Variants in RBM25 observed in about 807,000 individuals in gnomAD.
The protein encoded by RBM25 is RNA binding motif protein 25.
In RBM25, 19 loss-of-function variants were observed where a neutral mutation model predicts 120.7. The ratio of observed to expected loss-of-function variants is 0.16; its 90% CI spans 0.11 to 0.23. The LOEUF (loss-of-function observed/expected upper bound fraction) is 0.23, where lower values mean the gene tolerates loss of function less well. RBM25 is among the 10% of genes least tolerant of loss of function. The probability of loss-of-function intolerance (pLI) is 1.00; values close to 1 mark genes in which losing one functional copy is unlikely to be tolerated. For synonymous variants in RBM25, 390 were observed against 326.7 expected, an observed-to-expected ratio of 1.19 and a Z score of -2.09; for missense variants, 605 against 1,041.5, an observed-to-expected ratio of 0.58 and a Z score of 5.77.
intron 18 of RBM25, among the ~76,000 whole-genome samples, chr14:73,116,147 G>C (rs932177758): frequency 6.6e-6 from 1 of 152,124 alleles, no homozygotes; most frequent in Non-Finnish European, 1.5e-5. Flanking sequence ...TTGAGAGTGA[G>C]AGACTGCCTG....
intron 13 of RBM25, 132 bp downstream of exon 13, chr14:73,108,031 A>G (rs555255376): frequency 4.4e-6 from 3 of 677,072 alleles, no homozygotes; most frequent in East Asian, 2.7e-5. Flanking sequence ...GTAATTATTA[A>G]TTCTATAGCT....
rs1896016115 is a variant in RBM25 at position 73,099,386 on chromosome 14, C to T, written c.736C>T (p.Arg246Cys). ...TTGGTGGATTTTTTCACAGATTTTC[C>T]GCAGATTTCCAGTGGCCCCACTGAT... ...KKKEKKEDIF[R>C]RFPVAPLIPY... The change falls in exon 8 of 19, where the codon CGC becomes TGC. Residue 246 changes from arginine to cysteine, a missense_variant. This residue lies in a region of RBM25 where 465 missense variants were observed against 741.6 expected (regional missense o/e 0.63). Transcript: ENST00000261973. The T allele has an allele frequency of 6.3e-7, 1 of 1,596,788 alleles. No individual in the cohort carries two copies. The highest frequency in any genetic ancestry group is 8.5e-7 in the Non-Finnish European group (1 of 1,176,288).
intron 6 of RBM25, among the ~76,000 whole-genome samples, chr14:73,092,946 T>G (rs1447931488): frequency 1.3e-5 from 2 of 152,202 alleles, no homozygotes; most frequent in African/African-American, 4.8e-5. Context: ...TTAATTTAGA[T>G]TTTGCAGAAT....
chr14:73,109,184 C>A, intron 13 of RBM25, 158 bp from the exon 14 acceptor site: 1 of 675,372 alleles, frequency 1.5e-6, no homozygotes, highest in Non-Finnish European at 2.5e-6. Context: ...ATGTAGAGAG[C>A]ACACTCTGGT....
Position 73,077,383 on chromosome 14 carries a change from T to C in RBM25, c.171T>C (p.Thr57=), listed in dbSNP as rs774289226. Residue 57 remains threonine (T), a synonymous_variant, in exon 4 of 19, where the codon ACT becomes ACC. Coordinates refer to ENST00000261973, the MANE Select transcript of RBM25 (RefSeq NM_021239.3). ...MAPAPTVLVP[T]VSMVGKHLGA... is the part of the protein sequence containing the mutation. Reference sequence around the variant, plus strand: ...CTTCACCTTAGGTCTTAGTACCCACTGTGTCTATGGTTGGAAAGCATTTGG... The same window carrying C: ...CTTCACCTTAGGTCTTAGTACCCACCGTGTCTATGGTTGGAAAGCATTTGG... The C allele has an allele frequency of 1.7e-5, 27 of 1,611,558 alleles. No homozygotes were observed. Among genetic ancestry groups the C allele is most frequent in the South Asian group, 3.3e-5 (3 of 90,568 alleles).
At chr14:73,065,331 T>A (rs1895103721) in intron 1 of RBM25, among the ~76,000 whole-genome samples, 1 of 152,144 alleles carries the variant, frequency 6.6e-6, no homozygotes, top group Non-Finnish European at 1.5e-5. Context: ...TTTCACCATG[T>A]TGGCCGGGCT....
chr14:73,088,829 T>G (rs763062845), intron 6 of RBM25, among the ~76,000 whole-genome samples: 10 of 152,182 alleles, frequency 6.6e-5, no homozygotes, highest in Non-Finnish European at 1.2e-4. Context: ...CGTCAAATTT[T>G]TATTATCTTT....
At chr14:73,073,172 T>G (rs889943970) in intron 2 of RBM25, among the ~76,000 whole-genome samples, 1 of 152,142 alleles carries the variant, frequency 6.6e-6, no homozygotes, top group African/African-American at 2.4e-5. Context: ...CAAGGTATAC[T>G]CCTGCCTCAG....
intron 16 of RBM25, 99 bp downstream of exon 16, chr14:73,111,901 T>A: frequency 1.5e-6 from 2 of 1,377,314 alleles, no homozygotes; most frequent in Non-Finnish European, 2.0e-6. Flanking sequence ...ATTCTATTAA[T>A]GACAAATAAG....
At chr14:73,105,713 A>T in intron 10 of RBM25, 146 bp from the exon 11 acceptor site, 1 of 1,214,470 alleles carries the variant, frequency 8.2e-7, no homozygotes, top group Non-Finnish European at 1.1e-6. Flanking sequence ...AGTGTAGAGG[A>T]GGTTACATAG....
chr14:73,119,611 T>A (rs1896504918), intron 18 of RBM25, 102 bp from the exon 19 acceptor site: 1 of 1,563,662 alleles, frequency 6.4e-7, no homozygotes, highest in African/African-American at 1.4e-5. Flanking sequence ...TAATAAGTGC[T>A]TATTGTCAGT....
At chr14:73,078,877 T>G (rs960556240) in intron 4 of RBM25, among the ~76,000 whole-genome samples, 3 of 152,158 alleles carry the variant, frequency 2.0e-5, no homozygotes, top group African/African-American at 7.2e-5. Flanking sequence ...GTGTTGAGAT[T>G]ACACGCGTGG....
In RBM25 at chr14:73,119,793, T is replaced by C; in HGVS notation, c.2520T>C (p.Gly840=). The C allele has an allele frequency of 1.2e-6, 2 of 1,605,778 alleles. No homozygotes were observed. The highest frequency in any genetic ancestry group is 3.5e-5 in the Admixed American group (2 of 57,926). The change falls in exon 19 of 19, where the codon GGT becomes GGC. Residue 840 remains glycine, a synonymous_variant. Coordinates refer to ENST00000261973, the MANE Select transcript of RBM25 (RefSeq NM_021239.3). ...ATGAAACAGAAGCCAAGAAAATTGG[T>C]CTTGTGAAGTAAAACTTTTTATATT... ...LIYETEAKKI[G]LVK
Position 73,059,881 on chromosome 14 carries a change from T to C in RBM25, c.-16+1176T>C, listed in dbSNP as rs142707408. ...AATTTATAGTAGTATCTATACGTTA[T>C]TGGGGTTGGGGATTGAGAAAAACGT... On this transcript the variant is annotated intron_variant, in intron 1 of 18. Transcript: ENST00000261973. Among the ~76,000 whole-genome samples the C allele has an allele frequency of 6.0e-3, 919 of 152,298 alleles. 12 individuals carry two copies. The highest frequency in any genetic ancestry group is 0.021 in the African/African-American group (871 of 41,564).
intron 1 of RBM25, among the ~76,000 whole-genome samples, chr14:73,066,465 C>G (rs548208008): frequency 2.0e-5 from 3 of 151,986 alleles, no homozygotes; most frequent in Non-Finnish European, 4.4e-5. Context: ...GGTGAAACCC[C>G]GTCTCTACTA....
At chr14:73,103,595 T>C in intron 10 of RBM25, 117 bp downstream of exon 10, 1 of 1,399,062 alleles carries the variant, frequency 7.1e-7, no homozygotes, top group Admixed American at 2.9e-5. Flanking sequence ...TGAGACATTC[T>C]CACTCTGTCA....
intron 2 of RBM25, among the ~76,000 whole-genome samples, chr14:73,076,110 T>G (rs1895415278): frequency 1.3e-5 from 2 of 152,246 alleles, no homozygotes; most frequent in South Asian, 4.1e-4. Flanking sequence ...GTGGCCATTT[T>G]GTTTTCAGGA....
chr14:73,116,767 TTTGATCTGTTGTAATATA>T (rs1176668846), intron 18 of RBM25, among the ~76,000 whole-genome samples: 3 of 152,232 alleles, frequency 2.0e-5, no homozygotes, highest in Admixed American at 1.3e-4. Context: ...TTTTAGATTT[TTTGATCTGTTGTAATATA>T]TTGATATTTG....
chr14:73,098,433 A>G (rs767938428), intron 7 of RBM25, among the ~76,000 whole-genome samples: 3 of 152,092 alleles, frequency 2.0e-5, no homozygotes, highest in African/African-American at 4.8e-5. Flanking sequence ...AGCTGGCTCA[A>G]CGTGTTTTAT....
Sources: allele counts gnomAD v4.1 joint callset (sites outside exome capture counted in the v4.1 genomes callset), GRCh38; gene constraint gnomAD v4.1.1; regional missense constraint gnomAD v4.1.1; transcripts MANE v1.5; gene names NCBI Gene and HGNC (gene_info 2026-07-23, HGNC 2026-07-21).